Variants in ANK3 observed in about 807,000 individuals in gnomAD.
ANK3 encodes ankyrin-3.
A neutral mutation model predicts 370.9 loss-of-function variants in ANK3; 57 were observed. That is an observed-to-expected ratio of 0.15 (90% CI 0.12 to 0.19). The LOEUF (loss-of-function observed/expected upper bound fraction) is 0.19, where lower values mean the gene tolerates loss of function less well. ANK3 is among the 10% of genes least tolerant of loss of function. The pLI, the probability that ANK3 is intolerant of heterozygous loss-of-function variation, is 1.00. For missense variants in ANK3, 4,439 were observed against 5,302.1 expected (o/e 0.84, Z 5.06); for synonymous variants, 1,929 against 1,946.3 (o/e 0.99, Z 0.23).
intron 43 of ANK3, among the ~76,000 whole-genome samples, chr10:60,036,798 G>T (rs2075105055): frequency 6.6e-6 from 1 of 151,964 alleles, no homozygotes; most frequent in Non-Finnish European, 1.5e-5. Flanking sequence ...GCCCCTTCTT[G>T]GCTTACTTCA....
At chr10:60,285,105 C>T (rs2098224662) in intron 1 of ANK3, among the ~76,000 whole-genome samples, 3 of 152,086 alleles carry the variant, frequency 2.0e-5, no homozygotes, top group Admixed American at 2.0e-4. Context: ...AATCACACAG[C>T]CCGAATCTGC....
intron 28 of ANK3, among the ~76,000 whole-genome samples, chr10:60,097,903 CT>C (rs2090456752): frequency 6.6e-6 from 1 of 152,128 alleles, no homozygotes; most frequent in South Asian, 2.1e-4. Flanking sequence ...GCAGGCTTTT[CT>C]CAGCTCCTCT....
At chr10:60,372,544 AAG>A (rs2060240434) in intron 1 of ANK3, among the ~76,000 whole-genome samples, 2 of 152,302 alleles carry the variant, frequency 1.3e-5, no homozygotes, top group South Asian at 2.1e-4. Context: ...GTCTCAAAAT[AAG>A]AGAGCATGTT....
chr10:60,088,395 A>G, intron 28 of ANK3, 37 bp from the exon 29 acceptor site: 1 of 1,559,364 alleles, frequency 6.4e-7, no homozygotes. Context: ...CATGAGAATA[A>G]GCATATCTAC....
chr10:60,155,082 A>G (rs1192278797), intron 23 of ANK3, among the ~76,000 whole-genome samples: 2 of 152,162 alleles, frequency 1.3e-5, no homozygotes, highest in African/African-American at 4.8e-5. Flanking sequence ...CTGAACAACT[A>G]TCAATGCAAG....
intron 2 of ANK3, among the ~76,000 whole-genome samples, chr10:60,607,433 C>T (rs561594222): frequency 3.3e-5 from 5 of 152,252 alleles, no homozygotes; most frequent in Non-Finnish European, 7.4e-5. Context: ...AAATTACTAA[C>T]GGAGGCTGAA....
At chr10:60,147,776 T>G (rs958459567) in intron 23 of ANK3, among the ~76,000 whole-genome samples, 4 of 152,158 alleles carry the variant, frequency 2.6e-5, no homozygotes, top group African/African-American at 9.7e-5. Context: ...GATTGTAAGT[T>G]TCCTGGGGCC....
At chr10:60,567,821 C>T (rs986826125) in intron 2 of ANK3, among the ~76,000 whole-genome samples, 2 of 152,140 alleles carry the variant, frequency 1.3e-5, no homozygotes, top group African/African-American at 4.8e-5. Flanking sequence ...CTCCAATCCT[C>T]ATAGACAACT....
At chr10:60,316,887 C>T (rs1320494255) in intron 1 of ANK3, among the ~76,000 whole-genome samples, 5 of 152,126 alleles carry the variant, frequency 3.3e-5, no homozygotes, top group Admixed American at 1.3e-4. Flanking sequence ...AGCTGGACTA[C>T]AGGCGCCCGC....
intron 1 of ANK3, among the ~76,000 whole-genome samples, chr10:60,365,302 ATCCCCATGCTTTGAAGATTAC>A (rs1450195971): frequency 8.5e-5 from 13 of 152,098 alleles, no homozygotes; most frequent in South Asian, 8.3e-4. Context: ...GAAGTTATAG[ATCCCCATGCTTTGAAGATTAC>A]TCCCAAATTC....
At chr10:60,397,418 C>T (rs1303797283) in intron 2 of ANK3, among the ~76,000 whole-genome samples, 1 of 152,196 alleles carries the variant, frequency 6.6e-6, no homozygotes, top group Non-Finnish European at 1.5e-5. Context: ...TAGCCTCATC[C>T]TTCTGTAGAG....
chr10:60,717,164 AAAT>A (rs2079802581), intron 1 of ANK3, among the ~76,000 whole-genome samples: 1 of 152,240 alleles, frequency 6.6e-6, no homozygotes, highest in South Asian at 2.1e-4. Flanking sequence ...GGTAAAGAAA[AAAT>A]AATACCATGC....
At chr10:60,137,933 A>G (rs574374033) in intron 24 of ANK3, among the ~76,000 whole-genome samples, 73 of 152,290 alleles carry the variant, frequency 4.8e-4, no homozygotes, top group Middle Eastern at 3.4e-3. Context: ...AAAAGATTGC[A>G]TATTTTTTTA....
Position 60,074,054 on chromosome 10 carries a change from A to T in ANK3, c.6827T>A (p.Ile2276Asn). The T allele has an allele frequency of 6.2e-7, 1 of 1,614,086 alleles. No homozygotes were observed. Among genetic ancestry groups the T allele is most frequent in the Non-Finnish European group, 8.5e-7 (1 of 1,180,006 alleles). ...RIEETMSVHD[I>N]MKAFQSGRDP... Reference sequence around the variant, plus strand: ...CCGCCCGGACTGAAAGGCCTTCATGATGTCATGGACTGACATGGTTTCTTC... The same window carrying T: ...CCGCCCGGACTGAAAGGCCTTCATGTTGTCATGGACTGACATGGTTTCTTC... Residue 2276 changes from isoleucine (I) to asparagine (N), a missense_variant, in exon 37 of 44, where the codon ATC (isoleucine) becomes AAC (asparagine). Physicochemically the swap from Ile to Asn is moderately radical, Grantham distance 149 (BLOSUM62 -3). Coordinates refer to ENST00000280772, the MANE Select transcript of ANK3 (RefSeq NM_020987.5).
intron 25 of ANK3, among the ~76,000 whole-genome samples, chr10:60,116,016 A>G (rs779017979): frequency 2.0e-5 from 3 of 152,152 alleles, no homozygotes; most frequent in Non-Finnish European, 4.4e-5. Context: ...AGAATAAGAG[A>G]AAACACATCA....
chr10:60,121,590 G>A (rs1302439688), intron 25 of ANK3, among the ~76,000 whole-genome samples: 1 of 151,788 alleles, frequency 6.6e-6, no homozygotes, highest in African/African-American at 2.4e-5. Context: ...TACTTGGAAG[G>A]CTGAGGAGGG....
At chr10:60,272,250 T>G (rs562466931) in intron 4 of ANK3, among the ~76,000 whole-genome samples, 18 of 151,984 alleles carry the variant, frequency 1.2e-4, no homozygotes, top group Non-Finnish European at 2.2e-4. Flanking sequence ...CATTTTCTAA[T>G]TGGACCAAAA....
intron 2 of ANK3, among the ~76,000 whole-genome samples, chr10:60,471,600 C>T (rs1391786434): frequency 6.6e-6 from 1 of 152,060 alleles, no homozygotes; most frequent in Non-Finnish European, 1.5e-5. Flanking sequence ...CTACTGGATA[C>T]ATTCATAGCA....
chr10:60,606,442 T>C (rs1411941455), intron 2 of ANK3, among the ~76,000 whole-genome samples: 1 of 152,174 alleles, frequency 6.6e-6, no homozygotes, highest in Non-Finnish European at 1.5e-5. Flanking sequence ...TAAAATATTA[T>C]GTTTTCATTT....
Sources: allele counts gnomAD v4.1 joint callset (sites outside exome capture counted in the v4.1 genomes callset), GRCh38; gene constraint gnomAD v4.1.1; transcripts MANE v1.5; gene names NCBI Gene and HGNC (gene_info 2026-07-23, HGNC 2026-07-21).